The following RGPD4 variants were observed in gnomAD, a reference collection of about 807,000 sequenced individuals.
RGPD4 encodes RANBP2 like and GRIP domain containing 4.
A neutral mutation model predicts 141.1 loss-of-function variants in RGPD4; 84 were observed. That is an observed-to-expected ratio of 0.60 (90% confidence interval 0.50 to 0.71). The LOEUF is 0.71. RGPD4 is among the 30% of genes least tolerant of loss of function. The pLI, the probability that RGPD4 is intolerant of heterozygous loss-of-function variation, is 0.00. For missense variants in RGPD4, 918 were observed against 1,622.4 expected, an observed-to-expected ratio of 0.57 and a Z score of 7.46; for synonymous variants, 298 against 566.8, an observed-to-expected ratio of 0.53 and a Z score of 6.74.
chr2:107,878,404 A>T (rs1407579362), intron 20 of RGPD4, among the ~76,000 whole-genome samples: 1 of 148,956 alleles, frequency 6.7e-6, no homozygotes, highest in Non-Finnish European at 1.5e-5. Context: ...GCATGGGACA[A>T]CTGATACGGA....
rs1050220801 is a variant in RGPD4, at chr2:107,832,232, C to T, written c.73-4370C>T. ...GTCTACCTGGAATACCCTTACTAAC[C>T]GACTTCTCCAACCTGGATTGGGTTT... On this transcript the variant is annotated intron_variant, in intron 1 of 22. Transcript: ENST00000408999. 2.4e-4 allele frequency among the ~76,000 whole-genome samples: 36 copies of T among 149,098 alleles called. 1 individual carries two copies. The highest frequency in any genetic ancestry group is 7.4e-4 in the African/African-American group (30 of 40,580).
intron 22 of RGPD4, among the ~76,000 whole-genome samples, chr2:107,886,770 G>A (rs1420734796): frequency 1.3e-5 from 2 of 152,154 alleles, no homozygotes; most frequent in South Asian, 4.2e-4. Flanking sequence ...GGCACTGAAG[G>A]AAACAGGGCC....
At chr2:107,845,722 C>T in intron 6 of RGPD4, among the ~76,000 whole-genome samples, 1 of 152,208 alleles carries the variant, frequency 6.6e-6, no homozygotes, top group Non-Finnish European at 1.5e-5. Context: ...CACCACCACG[C>T]TCGGCTAATT....
rs1368247527 is a variant in RGPD4, at chr2:107,879,966, A to C, written c.4925-2A>C. ...ATTAATTCTTGGAACAACATGTTGCAGAGCCTCCATTATGGCATGCTGAAT... is the reference window on the plus strand; with the variant it reads ...ATTAATTCTTGGAACAACATGTTGCCGAGCCTCCATTATGGCATGCTGAAT... On this transcript the variant is annotated splice_acceptor_variant, in intron 20 of 22. Transcript: ENST00000408999. LOFTEE classifies it high-confidence loss of function. 1 of 1,611,070 alleles carries C rather than the reference A, an allele frequency of 6.2e-7. No homozygotes were observed. The highest frequency in any genetic ancestry group is 8.5e-7 in the Non-Finnish European group (1 of 1,179,738).
In RGPD4 at chr2:107,828,047, C is replaced by T. The variant is rs1447843038; in HGVS notation, c.72+962C>T. Among the ~76,000 whole-genome samples the T allele has an allele frequency of 8.4e-5, 5 of 59,750 alleles. No individual in the cohort carries two copies. The East Asian group carries it at 1.7e-3, about 20-fold the overall frequency. 39.2% of individuals were successfully genotyped at this position (59,750 alleles called of 152,430 possible). A position where few individuals can be genotyped will look rare whatever the true frequency, so the allele number is the denominator to read the frequency against. On this transcript the variant is annotated intron_variant, in intron 1 of 22. Transcript: ENST00000408999. ...GCGATGGCTCAGGCGTCATGGCTCC[C>T]GACGGGCGCTGCTCCCTGGCGCGCT...
chr2:107,826,916 G>C lies in RGPD4; in HGVS notation c.-98G>C. On this transcript the variant is annotated 5_prime_UTR_variant, in exon 1 of 23. Coordinates refer to ENST00000408999, the MANE Select transcript of RGPD4 (RefSeq NM_182588.3). ...CACAGTGGTCCTCCGCCGGCTACGC[G>C]GAGTCAGTGGCTTTCAGGCGCTTTC... 1 of 1,546,304 alleles carries C rather than the reference G, an allele frequency of 6.5e-7. No individual in the cohort carries two copies. Among genetic ancestry groups the C allele is most frequent in the Non-Finnish European group, 8.7e-7 (1 of 1,145,124 alleles).
In RGPD4 at chr2:107,872,099, C is replaced by T; in HGVS notation, c.4095C>T (p.Tyr1365=). Reference sequence around the variant, plus strand: ...TTTTTAGTCACAGGGCAGAACTCTACAGATATGATAAAGATGTTGGTCAAT... The same window carrying T: ...TTTTTAGTCACAGGGCAGAACTCTATAGATATGATAAAGATGTTGGTCAAT... The part of the protein sequence containing the change: ...KVVFSHRAEL[Y]RYDKDVGQWK... Residue 1365 remains tyrosine (Y), a synonymous_variant, in exon 20 of 23, where the codon TAC becomes TAT. Transcript: ENST00000408999. 1 of 1,611,390 alleles carries T rather than the reference C, an allele frequency of 6.2e-7. No homozygotes were observed. Among genetic ancestry groups the T allele is most frequent in the East Asian group, 2.2e-5 (1 of 44,862 alleles).
rs770086250 is a variant in RGPD4 at position 107,871,986 on chromosome 2, G to T, written c.3982G>T (p.Glu1328Ter). 2 of 1,611,522 alleles carry T rather than the reference G, an allele frequency of 1.2e-6. No individual in the cohort carries two copies. Among genetic ancestry groups the T allele is most frequent in the South Asian group, 2.2e-5 (2 of 90,986 alleles). The change falls in exon 20 of 23, where the codon GAA (glutamate) becomes TAA (stop). Residue 1328 changes from glutamate to a stop codon, truncating the protein, a stop_gained. Transcript: ENST00000408999. LOFTEE classifies it high-confidence loss of function. ...TDEESDVTQE[E>*]ERDGQYFEPV... ...TGAAGAATCTGATGTTACTCAAGAA[G>T]AAGAGAGAGATGGACAGTACTTTGA...
rs528576795 is a variant in RGPD4, at chr2:107,827,050, G to C, written c.37G>C (p.Ala13Pro). ...CSKAYGERYV[A>P]SVQGSAPSPR... The stretch of plus-strand genomic sequence containing the variant: ...CAAGGCCTACGGGGAGCGGTACGTC[G>C]CCTCCGTGCAGGGCTCCGCCCCGTC... Residue 13 changes from alanine to proline, a missense_variant, in exon 1 of 23, where the codon GCC becomes CCC. Physicochemically the swap from Ala to Pro is conservative, Grantham distance 27. Coordinates refer to ENST00000408999, the MANE Select transcript of RGPD4 (RefSeq NM_182588.3). 83 of 1,597,990 alleles carry C rather than the reference G, an allele frequency of 5.2e-5. No homozygotes were observed. In the East Asian group the frequency reaches 1.4e-3, roughly 27 times the overall value.
At chr2:107,828,051 G>C (rs1328540279) in intron 1 of RGPD4, among the ~76,000 whole-genome samples, 5 of 53,248 alleles carry the variant, frequency 9.4e-5, no homozygotes, top group East Asian at 4.5e-4. Context: ...GGCTCCCGAC[G>C]GGCGCTGCTC....
intron 15 of RGPD4, 137 bp downstream of exon 15, chr2:107,861,877 C>T (rs1457320849): frequency 8.4e-7 from 1 of 1,193,306 alleles, no homozygotes; most frequent in African/African-American, 1.6e-5. Context: ...ATGTGTGTGT[C>T]TAAATGCTTA....
chr2:107,880,045 C>T lies in RGPD4; in HGVS notation c.5002C>T (p.His1668Tyr), dbSNP rs1352963757. The T allele has an allele frequency of 1.9e-6, 3 of 1,611,274 alleles. No individual in the cohort carries two copies. The highest frequency in any genetic ancestry group is 1.7e-6 in the Non-Finnish European group (2 of 1,179,852). Residue 1668 changes from histidine to tyrosine, a missense_variant, in exon 21 of 23, where the codon CAC becomes TAC. His to Tyr is a moderately conservative substitution (Grantham distance 83). Coordinates refer to ENST00000408999, the MANE Select transcript of RGPD4 (RefSeq NM_182588.3). ...CAGTTCCACCACAAAAAGTGCAGAT[C>T]ACTTAAACGGCCTGCTTCGGGAAGC... ...KLSSTTKSADHLNGLLREAEA... is the reference protein window; with the variant it reads ...KLSSTTKSADYLNGLLREAEA...
In RGPD4 at chr2:107,851,758, TTA is replaced by T. The variant is rs2104437918; in HGVS notation, c.979-2797_979-2796del. Among the ~76,000 whole-genome samples the T allele has an allele frequency of 5.6e-5, 4 of 71,004 alleles. No individual in the cohort carries two copies. The South Asian group carries it at 2.9e-3, about 52-fold the overall frequency. The allele number at this position is 71,004 out of a possible 152,430, so 46.6% of individuals were successfully genotyped here. A position where few individuals can be genotyped will look rare whatever the true frequency, so the allele number is the denominator to read the frequency against. ...TTGTATTTTATTTTATCAGTTTATT[TTA>T]AAGCTTAATGATCAAATGATTATAA... is the stretch of plus-strand genomic sequence containing the variant. On this transcript the variant is annotated intron_variant, in intron 7 of 22. Transcript: ENST00000408999.
chr2:107,854,114 G>A (rs565612054), intron 7 of RGPD4, among the ~76,000 whole-genome samples: 1 of 136,448 alleles, frequency 7.3e-6, no homozygotes, highest in Non-Finnish European at 1.5e-5. Context: ...GAGTGCAATG[G>A]CACAGTCTCG....
intron 21 of RGPD4, among the ~76,000 whole-genome samples, chr2:107,881,302 T>C (rs1418969514): frequency 2.7e-5 from 4 of 149,244 alleles, no homozygotes; most frequent in African/African-American, 1.0e-4. Flanking sequence ...TAAACCTAAA[T>C]GACTTATTTA....
In RGPD4 at chr2:107,871,593, G is replaced by T; in HGVS notation, c.3589G>T (p.Glu1197Ter). The T allele has an allele frequency of 6.3e-7, 1 of 1,588,186 alleles. No homozygotes were observed. Residue 1197 changes from glutamate (E) to a stop codon, truncating the protein, a stop_gained, in exon 20 of 23, where the codon GAA (glutamate) becomes TAA (stop). Transcript: ENST00000408999. LOFTEE classifies it high-confidence loss of function. ...TGCCAAGTTAATACAGAGAGCTGAAGAAATGAAGAGTGGACTGAAAGATTT... is the reference window on the plus strand; with the variant it reads ...TGCCAAGTTAATACAGAGAGCTGAATAAATGAAGAGTGGACTGAAAGATTT... ...RAAKLIQRAE[E>*]MKSGLKDFKT...
At chr2:107,856,013 T>TATGGC (rs1458229462) in intron 8 of RGPD4, among the ~76,000 whole-genome samples, 1 of 129,570 alleles carries the variant, frequency 7.7e-6, no homozygotes, top group African/African-American at 3.4e-5. Context: ...ACTGTAAACC[T>TATGGC]ATGGCATAAA....
chr2:107,841,174 C>T lies in RGPD4; in HGVS notation c.406-1835C>T, dbSNP rs1207953532. Among the ~76,000 whole-genome samples, 28 of 124,038 alleles carry T rather than the reference C, an allele frequency of 2.3e-4. 1 individual carries two copies. The highest frequency in any genetic ancestry group is 3.1e-4 in the Non-Finnish European group (18 of 57,558). The allele number at this position is 124,038 out of a possible 152,430, so 81.4% of individuals were successfully genotyped here. A position where few individuals can be genotyped will look rare whatever the true frequency, so the allele number is the denominator to read the frequency against. ...CCTCAAACATAACTCCCATATTGGG[C>T]GTGGCAATCCAGTTAATCTGGTGTC... On this transcript the variant is annotated intron_variant, in intron 4 of 22. Coordinates refer to ENST00000408999, the MANE Select transcript of RGPD4 (RefSeq NM_182588.3).
chr2:107,861,711 A>C lies in RGPD4; in HGVS notation c.2176A>C (p.Ser726Arg), dbSNP rs9941691. 8.8e-6 allele frequency: 14 copies of C among 1,591,388 alleles called. No individual in the cohort carries two copies. In the Admixed American group the frequency reaches 2.4e-4, roughly 27 times the overall value. The change falls in exon 15 of 23, where the codon AGT (serine) becomes CGT (arginine). Residue 726 changes from serine to arginine, a missense_variant. Physicochemically the swap from Ser to Arg is moderately radical, Grantham distance 110. Transcript: ENST00000408999. ...RGYLIKILDD[S>R]DSNLSVVKKL... Reference sequence around the variant, plus strand: ...CTACCTAATAAAGATTTTAGATGACAGTGATTCAAATCTTTCAGTGGTCAA... The same window carrying C: ...CTACCTAATAAAGATTTTAGATGACCGTGATTCAAATCTTTCAGTGGTCAA...
Sources: gnomAD v4.1 joint callset for allele counts (sites outside exome capture counted in the v4.1 genomes callset) on GRCh38, gnomAD v4.1.1 for gene constraint, MANE v1.5 for transcripts, NCBI Gene and HGNC (gene_info 2026-07-23, HGNC 2026-07-21) for gene names.